MYRIP: variants seen among roughly 807,000 people sequenced by gnomAD.
MYRIP encodes the protein rab effector MyRIP.
Under a neutral mutation model 98.0 loss-of-function variants are expected in MYRIP, and 49 were observed. The observed-to-expected ratio is 0.50, with a 90% confidence interval of 0.40 to 0.63. The LOEUF (loss-of-function observed/expected upper bound fraction) is 0.63. Among genes scored for constraint, MYRIP ranks in the 30% least tolerant of loss-of-function variants. The pLI is 0.00. For synonymous variants in MYRIP, 404 were observed against 409.5 expected (o/e 0.99, Z 0.16); for missense variants, 1,004 against 1,058.2 (o/e 0.95, Z 0.71).
At chr3:40,200,394 C>A (rs1433652616) in intron 10 of MYRIP, among the ~76,000 whole-genome samples, 1 of 152,026 alleles carries the variant, frequency 6.6e-6, no homozygotes, top group Non-Finnish European at 1.5e-5. Context: ...GGTCTTCTCT[C>A]TAGGGAGGAA....
chr3:40,178,758 A>G (rs1408046977), intron 8 of MYRIP, among the ~76,000 whole-genome samples: 1 of 152,322 alleles, frequency 6.6e-6, no homozygotes, highest in East Asian at 1.9e-4. Flanking sequence ...CCCACATAGC[A>G]AGAGGAGGAG....
At chr3:40,016,260 G>C (rs746841689) in intron 2 of MYRIP, among the ~76,000 whole-genome samples, 3 of 152,016 alleles carry the variant, frequency 2.0e-5, no homozygotes, top group Non-Finnish European at 2.9e-5. Flanking sequence ...CCACATTTCT[G>C]CTTTGATATT....
intron 1 of MYRIP, among the ~76,000 whole-genome samples, chr3:39,890,283 G>A (rs1361201237): frequency 2.0e-5 from 3 of 151,740 alleles, no homozygotes. Context: ...CATGCCTTTT[G>A]GCATAATTTT....
intron 3 of MYRIP, among the ~76,000 whole-genome samples, chr3:40,103,875 A>G (rs573981966): frequency 1.1e-4 from 17 of 152,208 alleles, no homozygotes; most frequent in Non-Finnish European, 2.4e-4. Context: ...TTATCTAGTA[A>G]CCTTTCCTAC....
intron 10 of MYRIP, among the ~76,000 whole-genome samples, chr3:40,204,178 T>TGTACAATGTACA (rs1951722594): frequency 1.7e-5 from 1 of 57,332 alleles, no homozygotes; most frequent in East Asian, 4.8e-4. Flanking sequence ...ATTTATATAT[T>TGTACAATGTACA]ATATAATATA....
intron 1 of MYRIP, among the ~76,000 whole-genome samples, chr3:39,835,916 C>T (rs1242677444): frequency 6.6e-6 from 1 of 152,182 alleles, no homozygotes; most frequent in African/African-American, 2.4e-5. Flanking sequence ...CTGCAAAGGA[C>T]ATGAACTCAT....
At chr3:40,064,855 AGT>A (rs1158618484) in intron 3 of MYRIP, among the ~76,000 whole-genome samples, 3 of 152,168 alleles carry the variant, frequency 2.0e-5, no homozygotes, top group African/African-American at 7.2e-5. Flanking sequence ...GGGAAACCAT[AGT>A]GTGTGTGTCA....
chr3:40,067,473 C>T (rs1948146131), intron 3 of MYRIP, among the ~76,000 whole-genome samples: 1 of 152,140 alleles, frequency 6.6e-6, no homozygotes, highest in South Asian at 2.1e-4. Flanking sequence ...AGGCATCCTG[C>T]AGTATGTGGG....
At chr3:40,000,346 T>C (rs1326338059) in intron 2 of MYRIP, among the ~76,000 whole-genome samples, 1 of 152,190 alleles carries the variant, frequency 6.6e-6, no homozygotes, top group Non-Finnish European at 1.5e-5. Flanking sequence ...CTATCAGCAT[T>C]TGCCTCCAGC....
At chr3:39,862,543 T>A (rs1197272028) in intron 1 of MYRIP, among the ~76,000 whole-genome samples, 4 of 152,032 alleles carry the variant, frequency 2.6e-5, no homozygotes, top group African/African-American at 9.7e-5. Context: ...GACAAAAAAG[T>A]CAAAGAAGGC....
chr3:40,216,928 A>C (rs1952138468), intron 11 of MYRIP, among the ~76,000 whole-genome samples: 1 of 152,212 alleles, frequency 6.6e-6, no homozygotes, highest in Admixed American at 6.5e-5. Context: ...TATTTTGTTA[A>C]TCAAATAGCA....
At chr3:39,823,526 T>A (rs988360540) in intron 1 of MYRIP, among the ~76,000 whole-genome samples, 5 of 152,180 alleles carry the variant, frequency 3.3e-5, no homozygotes, top group Non-Finnish European at 5.9e-5. Context: ...TTATTTTTTG[T>A]CTTTTTGATA....
chr3:39,811,001 T>G (rs933066734), intron 1 of MYRIP, among the ~76,000 whole-genome samples: 1 of 152,178 alleles, frequency 6.6e-6, no homozygotes, highest in Non-Finnish European at 1.5e-5. Flanking sequence ...GGAGGAAGAC[T>G]GAGACTGGGG....
At position 39,978,669 on chromosome 3, in the gene MYRIP, G is replaced by A. The variant is rs143002633; in HGVS notation, c.111-65381G>A. Among the ~76,000 whole-genome samples, 55 of 152,268 alleles carry A rather than the reference G, an allele frequency of 3.6e-4. 3 individuals are homozygous for A. The East Asian group carries it at 9.8e-3, about 27-fold the overall frequency. Reference sequence around the variant, plus strand: ...TTGGGAACAAGACTTCTTAGAGATCGCCAAGAAATCAATTCATTCTTCAGC... The same window carrying A: ...TTGGGAACAAGACTTCTTAGAGATCACCAAGAAATCAATTCATTCTTCAGC... On this transcript the variant is annotated intron_variant, in intron 2 of 16. Transcript: ENST00000302541.
At chr3:39,867,385 C>T (rs1375685748) in intron 1 of MYRIP, among the ~76,000 whole-genome samples, 3 of 152,116 alleles carry the variant, frequency 2.0e-5, no homozygotes, top group African/African-American at 7.2e-5. Context: ...ACACATTCTA[C>T]AGAATAGGAG....
At chr3:40,084,719 T>C (rs1049249492) in intron 3 of MYRIP, among the ~76,000 whole-genome samples, 5 of 148,654 alleles carry the variant, frequency 3.4e-5, no homozygotes, top group Non-Finnish European at 7.4e-5. Flanking sequence ...TATGTATCTA[T>C]GTATTACATG....
chr3:40,130,220 G>A (rs1022185508), intron 3 of MYRIP, among the ~76,000 whole-genome samples: 1 of 152,036 alleles, frequency 6.6e-6, no homozygotes, highest in African/African-American at 2.4e-5. Flanking sequence ...TCCCAGATTT[G>A]CTTCTAGTTC....
In MYRIP at chr3:39,904,396, T is replaced by C. The variant is rs941871037; in HGVS notation, c.110+3470T>C. On this transcript the variant is annotated intron_variant, in intron 2 of 16. Transcript: ENST00000302541. ...GATTACAGGTGCAAGCTCTCACACCTGGCCAATTTTTTGTATGTTAGTAGA... is the reference window on the plus strand; with the variant it reads ...GATTACAGGTGCAAGCTCTCACACCCGGCCAATTTTTTGTATGTTAGTAGA... 3.0e-4 allele frequency among the ~76,000 whole-genome samples: 46 copies of C among 152,082 alleles called. 1 individual carries two copies. The highest frequency in any genetic ancestry group is 9.7e-4 in the African/African-American group (40 of 41,418).
chr3:40,250,113 T>C (rs1953326150), intron 13 of MYRIP, 109 bp from the exon 14 acceptor site: 1 of 810,594 alleles, frequency 1.2e-6, no homozygotes, highest in Non-Finnish European at 2.0e-6. Flanking sequence ...AATGAATGAA[T>C]GAGCATACAT....
Sources: allele counts gnomAD v4.1 joint callset (sites outside exome capture counted in the v4.1 genomes callset), GRCh38; gene constraint gnomAD v4.1.1; transcripts MANE v1.5; gene names NCBI Gene and HGNC (gene_info 2026-07-23, HGNC 2026-07-21).